PREP: variants seen among roughly 807,000 people sequenced by gnomAD.
PREP encodes dJ355L5.1 (prolyl endopeptidase).
PREP carries 29 observed loss-of-function variants against 87.6 expected under a neutral mutation model. The ratio of observed to expected loss-of-function variants is 0.33; its 90% CI spans 0.25 to 0.45. The LOEUF (loss-of-function observed/expected upper bound fraction) is 0.45. Among genes scored for constraint, PREP ranks in the 20% least tolerant of loss-of-function variants. PREP has a pLI of 1.00. For synonymous variants in PREP, 337 were observed against 328.6 expected, an observed-to-expected ratio of 1.03 and a Z score of -0.28; for missense variants, 695 against 886.5, an observed-to-expected ratio of 0.78 and a Z score of 2.74.
At chr6:105,285,369 G>T in intron 12 of PREP, 117 bp downstream of exon 12, 1 of 916,622 alleles carries the variant, frequency 1.1e-6, no homozygotes, top group Non-Finnish European at 1.7e-6. Context: ...TTTTTCATTC[G>T]TCTAGCCAAA....
intron 10 of PREP, among the ~76,000 whole-genome samples, chr6:105,310,271 T>G (rs1314687980): frequency 6.6e-6 from 1 of 152,218 alleles, no homozygotes; most frequent in Non-Finnish European, 1.5e-5. Context: ...CAAGATTATT[T>G]TAACTAGCAA....
chr6:105,331,161 A>G lies in PREP; in HGVS notation c.1016-2135T>C, dbSNP rs148838698. On this transcript the variant is annotated intron_variant, in intron 8 of 14. Coordinates refer to ENST00000652536, the MANE Select transcript of PREP (RefSeq NM_002726.5). ...GACTCATCTCTAGTTTTTATTCTCA[A>G]TAGGGCGCTCTGTGCTAATGATATA... 4.4e-3 allele frequency among the ~76,000 whole-genome samples: 668 copies of G among 152,282 alleles called. 10 individuals are homozygous for G. The highest frequency in any genetic ancestry group is 0.04 in the East Asian group (207 of 5,174).
chr6:105,381,119 C>A (rs1364558510), intron 2 of PREP, among the ~76,000 whole-genome samples: 1 of 152,150 alleles, frequency 6.6e-6, no homozygotes, highest in South Asian at 2.1e-4. Context: ...CACCTCCTAC[C>A]CACAAATGTT....
chr6:105,323,528 A>G, intron 10 of PREP, 137 bp downstream of exon 10: 2 of 771,476 alleles, frequency 2.6e-6, no homozygotes, highest in Non-Finnish European at 2.1e-6. Flanking sequence ...TGGCTCAATG[A>G]CCGTCAACCG....
At chr6:105,321,439 C>T (rs979327528) in intron 10 of PREP, among the ~76,000 whole-genome samples, 1 of 152,222 alleles carries the variant, frequency 6.6e-6, no homozygotes, top group Non-Finnish European at 1.5e-5. Flanking sequence ...AGCGCCGAAG[C>T]GCATGTTCTC....
At chr6:105,373,956 T>C (rs963504733) in intron 4 of PREP, among the ~76,000 whole-genome samples, 2 of 152,256 alleles carry the variant, frequency 1.3e-5, no homozygotes, top group Admixed American at 1.3e-4. Context: ...AAAAGGAAAC[T>C]GCTTTTAGAG....
chr6:105,273,415 A>C lies in PREP; in HGVS notation c.*4729T>G, dbSNP rs1235543675. The C allele has an allele frequency of 6.6e-6, 1 of 152,176 alleles. No individual in the cohort carries two copies. The highest frequency in any genetic ancestry group is 1.5e-5 in the Non-Finnish European group (1 of 68,030). The allele number at this position is 152,176 out of a possible 1,614,324, so 9.4% of individuals were successfully genotyped here. On this transcript the variant is annotated 3_prime_UTR_variant, in exon 15 of 15. Coordinates refer to ENST00000652536, the MANE Select transcript of PREP (RefSeq NM_002726.5). ...TAGATCCTTTATGCCCAAGTAGTTA[A>C]TTACCATCTTCACCACCAACTCCAG... is the stretch of plus-strand genomic sequence containing the variant.
chr6:105,316,986 G>T, intron 10 of PREP, among the ~76,000 whole-genome samples: 2 of 149,660 alleles, frequency 1.3e-5, no homozygotes. Context: ...TAGAGATAGG[G>T]TCTTGCTGGA....
At chr6:105,375,141 C>A (rs1772657244) in intron 4 of PREP, among the ~76,000 whole-genome samples, 1 of 152,130 alleles carries the variant, frequency 6.6e-6, no homozygotes, top group African/African-American at 2.4e-5. Context: ...TGTTTATATA[C>A]ACAGCCTATT....
intron 1 of PREP, among the ~76,000 whole-genome samples, chr6:105,402,593 T>C (rs1035197778): frequency 2.6e-4 from 40 of 152,246 alleles, no homozygotes; most frequent in East Asian, 3.9e-4. Flanking sequence ...CTTGACCCCA[T>C]TGATTCTAGG....
At chr6:105,285,139 C>A (rs1161095567) in intron 12 of PREP, among the ~76,000 whole-genome samples, 1 of 152,066 alleles carries the variant, frequency 6.6e-6, no homozygotes, top group Non-Finnish European at 1.5e-5. Context: ...AAAAACAAGG[C>A]TAACAAGAGA....
chr6:105,353,516 A>G (rs1338971587), intron 6 of PREP, among the ~76,000 whole-genome samples: 1 of 152,088 alleles, frequency 6.6e-6, no homozygotes, highest in East Asian at 1.9e-4. Flanking sequence ...CACGCCTGTA[A>G]TCCCAGCACT....
chr6:105,332,792 A>G (rs1218079561), intron 8 of PREP, among the ~76,000 whole-genome samples: 2 of 152,234 alleles, frequency 1.3e-5, no homozygotes, highest in Non-Finnish European at 2.9e-5. Flanking sequence ...TACGGAAGTG[A>G]CGTTCTCAAG....
intron 6 of PREP, among the ~76,000 whole-genome samples, chr6:105,361,696 T>C (rs1772250552): frequency 1.3e-5 from 2 of 152,240 alleles, no homozygotes; most frequent in Admixed American, 6.5e-5. Context: ...TTATCAAATT[T>C]ATTTTATATA....
At chr6:105,381,553 C>A (rs977765682) in intron 2 of PREP, among the ~76,000 whole-genome samples, 2 of 152,190 alleles carry the variant, frequency 1.3e-5, no homozygotes, top group African/African-American at 4.8e-5. Context: ...TCAGTACCCG[C>A]AGTCTCATTC....
In PREP at chr6:105,274,505, C is replaced by G. The variant is rs1381566036; in HGVS notation, c.*3639G>C. 9.2e-5 allele frequency among the ~76,000 whole-genome samples: 14 copies of G among 152,126 alleles called. No homozygotes were observed. Among genetic ancestry groups the G allele is most frequent in the Admixed American group, 9.2e-4 (14 of 15,272 alleles). ...TTTCGGCTGGGCATGGTGGCTCATG[C>G]CTGTAATCCCAGCATTTTGGGAGGC... On this transcript the variant is annotated 3_prime_UTR_variant, in exon 15 of 15. Coordinates refer to ENST00000652536, the MANE Select transcript of PREP (RefSeq NM_002726.5).
chr6:105,282,429 A>G, intron 13 of PREP, 22 bp downstream of exon 13: 1 of 1,606,784 alleles, frequency 6.2e-7, no homozygotes. Flanking sequence ...AGTAAGTGCA[A>G]TGAATAAAAT....
chr6:105,344,708 T>A (rs1255745639), intron 7 of PREP, among the ~76,000 whole-genome samples: 2 of 151,924 alleles, frequency 1.3e-5, no homozygotes, highest in Admixed American at 1.3e-4. Context: ...AGGGAGAGCA[T>A]TAGGAGATAC....
In PREP at chr6:105,278,491, G is replaced by A. The variant is rs1769997990; in HGVS notation, c.1839-53C>T. ...CTGGAGAGCAACAGTAGAGTTTTAT[G>A]GCACAGGGACCTAGGTAGTTAATTA... On this transcript the variant is annotated intron_variant, in intron 14 of 14. Transcript: ENST00000652536. This position sits in a 1 kb window ranked among gnomAD's most constrained non-coding sequence, Gnocchi z 4.2. 5 of 1,534,192 alleles carry A rather than the reference G, an allele frequency of 3.3e-6. No homozygotes were observed. Among genetic ancestry groups the A allele is most frequent in the South Asian group, 2.4e-5 (2 of 82,256 alleles).
Sources: gnomAD v4.1 joint callset for allele counts (sites outside exome capture counted in the v4.1 genomes callset) on GRCh38, gnomAD v4.1.1 for gene constraint, Gnocchi (gnomAD v3.1) non-coding constraint, MANE v1.5 for transcripts, NCBI Gene and HGNC (gene_info 2026-07-23, HGNC 2026-07-21) for gene names.